Variants in DMD observed in about 807,000 individuals in gnomAD.
The protein encoded by DMD is dystrophin.
A neutral mutation model predicts 330.1 loss-of-function variants in DMD; 63 were observed. The ratio of observed to expected loss-of-function variants is 0.19; its 90% CI spans 0.16 to 0.24. The LOEUF (loss-of-function observed/expected upper bound fraction) is 0.24, where lower values mean the gene tolerates loss of function less well. Ranked by LOEUF, DMD falls within the 10% of genes least tolerant of loss-of-function variation. The pLI is 1.00. For synonymous variants in DMD, 1,223 were observed against 959.8 expected (o/e 1.27, Z -5.07); for missense variants, 3,344 against 2,684.1 (o/e 1.25, Z -5.43).
chrX:31,292,653 T>A (rs1352500117), intron 62 of DMD, among the ~76,000 whole-genome samples: 6 of 111,718 alleles, frequency 5.4e-5, no homozygotes, highest in Non-Finnish European at 5.6e-5. Context: ...AAAAACGCAT[T>A]AAAGAATGTT....
intron 18 of DMD, among the ~76,000 whole-genome samples, chrX:32,510,530 T>A (rs775237953): frequency 1.8e-5 from 2 of 111,911 alleles, no homozygotes; most frequent in Non-Finnish European, 3.8e-5. Flanking sequence ...CAGGTATCCT[T>A]ATCTATATCC....
intron 7 of DMD, among the ~76,000 whole-genome samples, chrX:32,800,333 G>A (rs1569524470): frequency 9.0e-6 from 1 of 111,501 alleles, no homozygotes; most frequent in Non-Finnish European, 1.9e-5. Flanking sequence ...TCAAGAGATG[G>A]TGTTCTGTCT....
At chrX:33,131,186 C>T (rs756285613) in intron 1 of DMD, among the ~76,000 whole-genome samples, 1 of 110,415 alleles carries the variant, frequency 9.1e-6, no homozygotes, top group Non-Finnish European at 1.9e-5. Flanking sequence ...TTCCCTGGGG[C>T]TGCTGCGGCT....
chrX:31,978,358 T>C (rs892180865), intron 44 of DMD, among the ~76,000 whole-genome samples: 52 of 111,325 alleles, frequency 4.7e-4, no homozygotes, highest in Non-Finnish European at 9.4e-5. Context: ...CTTGCCCGGT[T>C]GATTCCATCG....
chrX:31,569,642 G>GTATATACGTATATATACGTA (rs1286782062), intron 55 of DMD, among the ~76,000 whole-genome samples: 183 of 73,854 alleles, frequency 2.5e-3, no homozygotes, highest in African/African-American at 8.0e-3. Flanking sequence ...GTATATATAT[G>GTATATACGTATATATACGTA]TATATACGTA....
At chrX:31,910,351 A>G (rs1946303293) in intron 47 of DMD, among the ~76,000 whole-genome samples, 1 of 112,080 alleles carries the variant, frequency 8.9e-6, no homozygotes, top group Non-Finnish European at 1.9e-5. Flanking sequence ...GCACAGTCTT[A>G]GGTTATTCTC....
intron 12 of DMD, among the ~76,000 whole-genome samples, chrX:32,600,181 TG>T (rs1216784728): frequency 8.9e-6 from 1 of 112,159 alleles, no homozygotes; most frequent in African/African-American, 3.2e-5. Context: ...TTTTCAAAAG[TG>T]GCTTAGAAAA....
chrX:32,616,042 T>A (rs1252706889), intron 11 of DMD, among the ~76,000 whole-genome samples: 1 of 111,383 alleles, frequency 9.0e-6, no homozygotes, highest in African/African-American at 3.3e-5. Context: ...TGGTATTTTG[T>A]AGTATGCCTC....
chrX:31,455,099 T>C (rs938925062), intron 59 of DMD, among the ~76,000 whole-genome samples: 2 of 108,577 alleles, frequency 1.8e-5, no homozygotes, highest in African/African-American at 3.4e-5. Context: ...AAGCTTACTC[T>C]TGACTTAGAA....
At chrX:31,488,047 A>G (rs991438151) in intron 57 of DMD, among the ~76,000 whole-genome samples, 1 of 112,206 alleles carries the variant, frequency 8.9e-6, no homozygotes, top group Non-Finnish European at 1.9e-5. Flanking sequence ...GGCACGGGCT[A>G]GAATAGTCCA....
intron 16 of DMD, among the ~76,000 whole-genome samples, chrX:32,554,798 C>T (rs771305460): frequency 2.7e-5 from 1 of 36,517 alleles, no homozygotes; most frequent in Non-Finnish European, 4.4e-5. Flanking sequence ...ATGCCAAAAC[C>T]TGGGAGGGAG....
intron 61 of DMD, among the ~76,000 whole-genome samples, chrX:31,346,950 A>T (rs1431732667): frequency 1.1e-5 from 1 of 93,638 alleles, no homozygotes; most frequent in African/African-American, 4.0e-5. Context: ...GCAGTGAGCC[A>T]AGATCACGCC....
At chrX:32,033,617 GAA>G (rs1280387764) in intron 44 of DMD, among the ~76,000 whole-genome samples, 2 of 42,626 alleles carry the variant, frequency 4.7e-5, no homozygotes, top group African/African-American at 3.0e-4. Context: ...AAGAAAGAAA[GAA>G]AGAAAGAAAG....
intron 7 of DMD, among the ~76,000 whole-genome samples, chrX:32,705,344 G>C (rs1335201290): frequency 3.6e-5 from 4 of 112,064 alleles, no homozygotes; most frequent in Non-Finnish European, 7.5e-5. Context: ...AATAATTTGC[G>C]TTGATGAAGA....
chrX:31,753,008 T>C (rs917040263), intron 51 of DMD, among the ~76,000 whole-genome samples: 1 of 112,024 alleles, frequency 8.9e-6, no homozygotes, highest in Non-Finnish European at 1.9e-5. Flanking sequence ...GAACTACATA[T>C]GAAAATTGAA....
intron 44 of DMD, among the ~76,000 whole-genome samples, chrX:32,151,889 C>T (rs1240077994): frequency 1.8e-5 from 2 of 111,435 alleles, no homozygotes; most frequent in Non-Finnish European, 3.8e-5. Context: ...TTTTCTCTTC[C>T]ATCTTAAAAA....
chrX:31,192,608 G>A (rs137920162), intron 67 of DMD, among the ~76,000 whole-genome samples: 2,444 of 111,426 alleles, frequency 0.022, 25 homozygotes, highest in Middle Eastern at 0.051. Flanking sequence ...TTTCCCTTTC[G>A]GCCTTTATAA....
chrX:31,398,711 A>G (rs943908186), intron 60 of DMD, among the ~76,000 whole-genome samples: 22 of 112,341 alleles, frequency 2.0e-4, no homozygotes, highest in African/African-American at 6.5e-4. Flanking sequence ...GGCTATTCAC[A>G]GGTACAACCA....
chrX:31,821,264 TAGCCCCG>T lies in DMD; in HGVS notation c.7201-1188_7201-1182del, dbSNP rs1422880672. Among the ~76,000 whole-genome samples, 6 of 112,860 alleles carry T rather than the reference TAGCCCCG, an allele frequency of 5.3e-5. 1 individual carries two copies. The highest frequency in any genetic ancestry group is 4.7e-4 in the Admixed American group (5 of 10,684). On this transcript the variant is annotated intron_variant, in intron 49 of 78. Transcript: ENST00000357033. ...GGAGACCTTGCTAATTGCTGCATGG[TAGCCCCG>T]GAGTTCTGGATTTAGTAGATACTGG...
Sources: allele counts gnomAD v4.1 joint callset (sites outside exome capture counted in the v4.1 genomes callset), GRCh38; gene constraint gnomAD v4.1.1; transcripts MANE v1.5; gene names NCBI Gene and HGNC (gene_info 2026-07-23, HGNC 2026-07-21).